RABEP1: variants seen among roughly 807,000 people sequenced by gnomAD.
RABEP1 encodes rabaptin, RAB GTPase binding effector protein 1, also known as rab GTPase-binding effector protein 1.
Under a neutral mutation model 123.4 loss-of-function variants are expected in RABEP1, and 51 were observed. The ratio of observed to expected loss-of-function variants is 0.41; its 90% confidence interval spans 0.33 to 0.52. RABEP1 has a LOEUF of 0.52. Ranked by LOEUF, RABEP1 falls within the 20% of genes least tolerant of loss-of-function variation. The probability of loss-of-function intolerance (pLI) is 0.16; values close to 1 mark genes in which losing one functional copy is unlikely to be tolerated. For synonymous variants in RABEP1, 347 were observed against 355.2 expected (o/e 0.98, Z 0.26); for missense variants, 888 against 996.3 (o/e 0.89, Z 1.46).
At chr17:5,341,052 T>A (rs1472923254) in intron 5 of RABEP1, among the ~76,000 whole-genome samples, 3 of 150,970 alleles carry the variant, frequency 2.0e-5, no homozygotes, top group African/African-American at 7.3e-5. Context: ...ATCAATATAA[T>A]GAAAAAATGG....
intron 2 of RABEP1, among the ~76,000 whole-genome samples, chr17:5,309,976 A>G (rs1200602893): frequency 6.6e-6 from 1 of 152,236 alleles, no homozygotes; most frequent in East Asian, 1.9e-4. Context: ...CTATAATAGA[A>G]TAGTGGCTCT....
intron 14 of RABEP1, among the ~76,000 whole-genome samples, chr17:5,377,772 C>T (rs1911123655): frequency 6.6e-6 from 1 of 152,118 alleles, no homozygotes; most frequent in South Asian, 2.1e-4. Flanking sequence ...GGTGATCTGC[C>T]TGCCTCGGCC....
At chr17:5,362,791 C>T in intron 9 of RABEP1, 121 bp from the exon 10 acceptor site, 1 of 662,552 alleles carries the variant, frequency 1.5e-6, no homozygotes, top group Non-Finnish European at 2.7e-6. Context: ...GCCGTAAGGC[C>T]CTGAAGAAAG....
intron 3 of RABEP1, among the ~76,000 whole-genome samples, chr17:5,333,316 C>T (rs1244306319): frequency 6.6e-6 from 1 of 152,018 alleles, no homozygotes; most frequent in Non-Finnish European, 1.5e-5. Flanking sequence ...GCGCCCGCCA[C>T]CACGCCCGGC....
At chr17:5,308,029 G>T (rs1187818915) in intron 1 of RABEP1, among the ~76,000 whole-genome samples, 6 of 152,200 alleles carry the variant, frequency 3.9e-5, no homozygotes, top group Non-Finnish European at 8.8e-5. Context: ...AAGATTGGCA[G>T]TAGGTTCATT....
At chr17:5,358,397 A>G (rs1319892034) in intron 8 of RABEP1, among the ~76,000 whole-genome samples, 14 of 152,134 alleles carry the variant, frequency 9.2e-5, no homozygotes, top group Admixed American at 9.2e-4. Context: ...CTGGCCGGGC[A>G]TGGTGGCTCA....
At chr17:5,354,333 T>C in intron 7 of RABEP1, 26 bp from the exon 8 acceptor site, 1 of 1,590,090 alleles carries the variant, frequency 6.3e-7, no homozygotes, top group South Asian at 1.1e-5. Flanking sequence ...ACTTGGGTCA[T>C]ATATATGTTT....
intron 2 of RABEP1, among the ~76,000 whole-genome samples, chr17:5,319,120 G>A (rs528305556): frequency 2.6e-5 from 4 of 151,616 alleles, no homozygotes; most frequent in Admixed American, 6.6e-5. Context: ...TCACGAGGTC[G>A]GGGGTTCCAG....
chr17:5,360,979 G>GT (rs1429126940), intron 8 of RABEP1: 1 of 503,332 alleles, frequency 2.0e-6, no homozygotes, highest in African/African-American at 1.9e-5. Context: ...TTTTGAAGCC[G>GT]TATGTATCTC....
intron 7 of RABEP1, among the ~76,000 whole-genome samples, chr17:5,351,972 TA>T (rs1326105260): frequency 6.6e-6 from 1 of 152,144 alleles, no homozygotes; most frequent in East Asian, 1.9e-4. Flanking sequence ...ATCTTGCAGC[TA>T]AATCCTTGAC....
chr17:5,288,504 T>G (rs1358808387), intron 1 of RABEP1, among the ~76,000 whole-genome samples: 1 of 152,128 alleles, frequency 6.6e-6, no homozygotes, highest in Non-Finnish European at 1.5e-5. Flanking sequence ...CAAGTGATTC[T>G]CCTGCCTCAG....
At chr17:5,290,379 C>T (rs1398334770) in intron 1 of RABEP1, among the ~76,000 whole-genome samples, 6 of 152,210 alleles carry the variant, frequency 3.9e-5, no homozygotes, top group South Asian at 2.1e-4. Flanking sequence ...TGAGCCACCG[C>T]GCCCGTCCTC....
In RABEP1 at chr17:5,282,536, T is replaced by TGGCAGGCGC; in HGVS notation, c.34+20_34+28dup. On this transcript the variant is annotated intron_variant, in intron 1 of 17. Coordinates refer to ENST00000537505, the MANE Select transcript of RABEP1 (RefSeq NM_004703.6). ...CAGCCTGACGGTGAGGCGCCCACCA[T>TGGCAGGCGC]GGCAGGCGCGGCGGGCGCGGCCTGC... is the stretch of plus-strand genomic sequence containing the variant. 3.3e-6 allele frequency: 4 copies of TGGCAGGCGC among 1,197,788 alleles called. No homozygotes were observed. Among genetic ancestry groups the TGGCAGGCGC allele is most frequent in the African/African-American group, 1.6e-5 (1 of 63,052 alleles). 74.2% of individuals were successfully genotyped at this position (1,197,788 alleles called of 1,614,324 possible). A position where few individuals can be genotyped will look rare whatever the true frequency, so the allele number is the denominator to read the frequency against.
chr17:5,376,285 C>CA (rs1910986259), intron 13 of RABEP1, among the ~76,000 whole-genome samples: 1 of 152,084 alleles, frequency 6.6e-6, no homozygotes, highest in African/African-American at 2.4e-5. Context: ...TATGCCATTG[C>CA]ACTCCATACT....
At chr17:5,368,965 G>A (rs763568141) in intron 12 of RABEP1, among the ~76,000 whole-genome samples, 4 of 152,172 alleles carry the variant, frequency 2.6e-5, no homozygotes, top group African/African-American at 4.8e-5. Context: ...AAAACTAGCC[G>A]GGCGTGGTGG....
chr17:5,377,187 A>T lies in RABEP1; in HGVS notation c.2097A>T (p.Glu699Asp), dbSNP rs1450282548. 6.2e-7 allele frequency: 1 copy of T among 1,613,416 alleles called. No individual in the cohort carries two copies. Among genetic ancestry groups the T allele is most frequent in the South Asian group, 1.1e-5 (1 of 90,930 alleles). The change falls in exon 14 of 18, where the codon GAA (glutamate) becomes GAT (aspartate). Residue 699 changes from glutamate to aspartate, a missense_variant. Transcript: ENST00000537505. ...INVRTAADHV[E>D]EKLKAEILFL... ...TGCGGACAGCAGCAGACCACGTAGA[A>T]GAAAAGCTGAAGGCTGAGATACTTT...
At chr17:5,306,891 TAAAA>T in intron 1 of RABEP1, among the ~76,000 whole-genome samples, 1 of 152,220 alleles carries the variant, frequency 6.6e-6, no homozygotes, top group East Asian at 1.9e-4. Context: ...AAGTTGAAAG[TAAAA>T]AAGAGAATGG....
intron 1 of RABEP1, among the ~76,000 whole-genome samples, chr17:5,304,136 G>A (rs1427979366): frequency 6.6e-6 from 1 of 152,038 alleles, no homozygotes; most frequent in Non-Finnish European, 1.5e-5. Flanking sequence ...AAGTTATTGC[G>A]TGTTCTCTTG....
intron 2 of RABEP1, among the ~76,000 whole-genome samples, chr17:5,326,594 A>T (rs1209895825): frequency 6.6e-6 from 1 of 152,182 alleles, no homozygotes; most frequent in Non-Finnish European, 1.5e-5. Context: ...TAAAACCCAT[A>T]GAATGTAGCA....
Sources: allele counts gnomAD v4.1 joint callset (sites outside exome capture counted in the v4.1 genomes callset), GRCh38; gene constraint gnomAD v4.1.1; transcripts MANE v1.5; gene names NCBI Gene and HGNC (gene_info 2026-07-23, HGNC 2026-07-21).